The following SMG5 variants were observed in gnomAD, a reference collection of about 807,000 sequenced individuals.
SMG5 encodes the protein nonsense-mediated mRNA decay factor SMG5.
Under a neutral mutation model 122.9 loss-of-function variants are expected in SMG5, and 53 were observed. The ratio of observed to expected loss-of-function variants is 0.43; its 90% CI spans 0.35 to 0.54. SMG5 has a LOEUF of 0.54. SMG5 is among the 20% of genes least tolerant of loss of function. The pLI, the probability that SMG5 is intolerant of heterozygous loss-of-function variation, is 0.01. For missense variants in SMG5, 1,153 were observed against 1,285.6 expected (o/e 0.90, Z 1.58); for synonymous variants, 477 against 490.2 (o/e 0.97, Z 0.35).
chr1:156,275,772 G>A (rs1328844215), intron 4 of SMG5, among the ~76,000 whole-genome samples: 3 of 151,562 alleles, frequency 2.0e-5, no homozygotes, highest in Admixed American at 2.0e-4. Flanking sequence ...GGTAACCTAT[G>A]GACATGGTCC....
At chr1:156,278,223 C>A (rs1662772368) in intron 2 of SMG5, among the ~76,000 whole-genome samples, 175 bp from the exon 3 acceptor site, 1 of 152,112 alleles carries the variant, frequency 6.6e-6, no homozygotes, top group African/African-American at 2.4e-5. Flanking sequence ...GCAGTGGGAG[C>A]CCCAAAAGAC....
At chr1:156,263,622 T>G (rs1246873848) in intron 12 of SMG5, 52 bp from the exon 13 acceptor site, 3 of 1,583,274 alleles carry the variant, frequency 1.9e-6, no homozygotes, top group Non-Finnish European at 2.6e-6. Context: ...CAACTGACAC[T>G]TGGGAACAGG....
Position 156,250,575 on chromosome 1 carries a change from TG to T in SMG5, c.*11del. 2.5e-6 allele frequency: 4 copies of T among 1,612,962 alleles called. No homozygotes were observed. The highest frequency in any genetic ancestry group is 3.4e-6 in the Non-Finnish European group (4 of 1,179,020). On this transcript the variant is annotated 3_prime_UTR_variant, in exon 22 of 22. Transcript: ENST00000361813. The stretch of plus-strand genomic sequence containing the variant: ...CTGGAGTCAGCCCCACTGCAGGGCC[TG>T]GGGGTCAGTATCAACCAATTTCCTT...
At chr1:156,285,511 G>A, upstream of SMG5, 1 of 1,614,170 alleles carries the variant, frequency 6.2e-7, no homozygotes, top group South Asian at 1.1e-5. Context: ...CTGGCTGGCG[G>A]GACATTGAAC....
chr1:156,260,369 C>A (rs1170486163), intron 15 of SMG5, 82 bp downstream of exon 15: 1 of 1,493,540 alleles, frequency 6.7e-7, no homozygotes, highest in East Asian at 2.5e-5. Flanking sequence ...GCATCCTGCC[C>A]CCTCCCTCCC....
chr1:156,255,252 A>G (rs1392659343), intron 16 of SMG5, among the ~76,000 whole-genome samples: 2 of 151,724 alleles, frequency 1.3e-5, no homozygotes, highest in Non-Finnish European at 2.9e-5. Flanking sequence ...AAAAATACAA[A>G]AACTGGGGCC....
chr1:156,277,794 G>A (rs559965833), intron 3 of SMG5, 131 bp downstream of exon 3: 12 of 1,208,342 alleles, frequency 9.9e-6, no homozygotes, highest in African/African-American at 4.5e-5. Context: ...TTACACGCAT[G>A]AGCCACCGTG....
intron 15 of SMG5, 101 bp downstream of exon 15, chr1:156,260,350 T>C: frequency 7.4e-7 from 1 of 1,354,898 alleles, no homozygotes. Context: ...CCTGTCTGAG[T>C]GGAAGAGGGC....
At chr1:156,271,274 G>T (rs1572592376) in intron 7 of SMG5, among the ~76,000 whole-genome samples, 1 of 152,174 alleles carries the variant, frequency 6.6e-6, no homozygotes, top group East Asian at 1.9e-4. Context: ...TTACTATTTG[G>T]ATATACTTTA....
intron 1 of SMG5, among the ~76,000 whole-genome samples, chr1:156,280,324 T>C (rs1416453174): frequency 6.6e-6 from 1 of 152,080 alleles, no homozygotes; most frequent in Non-Finnish European, 1.5e-5. Context: ...CAAGACGTGC[T>C]CCCGGGCCAG....
chr1:156,286,658 G>T (rs911750722), upstream of SMG5, among the ~76,000 whole-genome samples: 2 of 152,156 alleles, frequency 1.3e-5, no homozygotes, highest in Non-Finnish European at 2.9e-5. Context: ...GATGGAAGCC[G>T]ATTTCAGAGA....
chr1:156,284,031 T>C (rs1465189310), upstream of SMG5, among the ~76,000 whole-genome samples: 3 of 152,216 alleles, frequency 2.0e-5, no homozygotes, highest in Admixed American at 6.5e-5. Context: ...GTGTACAAAT[T>C]CCATTTCTGG....
intron 16 of SMG5, among the ~76,000 whole-genome samples, chr1:156,255,375 C>T (rs1442497338): frequency 6.6e-6 from 1 of 151,268 alleles, no homozygotes; most frequent in Non-Finnish European, 1.5e-5. Context: ...CCCGTCTCTA[C>T]TAAAAATATA....
At chr1:156,270,129 G>C (rs1394590442) in intron 7 of SMG5, among the ~76,000 whole-genome samples, 1 of 152,230 alleles carries the variant, frequency 6.6e-6, no homozygotes, top group Non-Finnish European at 1.5e-5. Flanking sequence ...TATAAAAAGT[G>C]AGGTATAAAA....
At position 156,265,836 on chromosome 1, in the gene SMG5, G is replaced by A. The variant is rs1177048933; in HGVS notation, c.1800C>T (p.Thr600=). 5.6e-6 allele frequency: 9 copies of A among 1,614,202 alleles called. No individual in the cohort carries two copies. In the South Asian group the frequency reaches 9.9e-5, roughly 18 times the overall value. Residue 600 remains threonine (T), a synonymous_variant, in exon 12 of 22, where the codon ACC becomes ACT. Transcript: ENST00000361813. ...LLLQPTTNPH[T]SASHRPCVNG... ...TGACGCAAGGCCTGTGGCTGGCCGA[G>A]GTATGAGGGTTGGTGGTGGGCTGGA...
intron 5 of SMG5, 77 bp downstream of exon 5, chr1:156,274,520 G>T: frequency 7.8e-7 from 1 of 1,285,410 alleles, no homozygotes; most frequent in Non-Finnish European, 1.1e-6. Flanking sequence ...CCATGTAATG[G>T]GTGTTACCAA....
At position 156,265,806 on chromosome 1, in the gene SMG5, C is replaced by T; in HGVS notation, c.1830G>A (p.Gly610=). 1 of 1,613,972 alleles carries T rather than the reference C, an allele frequency of 6.2e-7. No individual in the cohort carries two copies. Among genetic ancestry groups the T allele is most frequent in the South Asian group, 1.1e-5 (1 of 91,034 alleles). Residue 610 remains glycine (G), a synonymous_variant, in exon 12 of 22, where the codon GGG becomes GGA. Coordinates refer to ENST00000361813, the MANE Select transcript of SMG5 (RefSeq NM_015327.3). ...TSASHRPCVN[G]DVDKPSEPAS... ...CTGGCTCTGAAGGCTTGTCTACATC[C>T]CCATTGACGCAAGGCCTGTGGCTGG...
At chr1:156,274,257 G>A (rs906688842) in intron 5 of SMG5, among the ~76,000 whole-genome samples, 7 of 152,116 alleles carry the variant, frequency 4.6e-5, no homozygotes, top group African/African-American at 9.7e-5. Flanking sequence ...CTGTGCTGAA[G>A]TTTCTATTCA....
rs375074169 is a variant in SMG5, at chr1:156,263,522, G to C, written c.1904C>G (p.Ser635Cys). Reference protein sequence around the residue: ...ESEGSESSGRSCRNERSIQEK... With the variant: ...ESEGSESSGRCCRNERSIQEK... Reference sequence around the variant, plus strand: ...CTGGATGCTGCGCTCATTCCGACAGGAGCGTCCACTGGACTCACTCCCCTC... The same window carrying C: ...CTGGATGCTGCGCTCATTCCGACAGCAGCGTCCACTGGACTCACTCCCCTC... Residue 635 changes from serine to cysteine, a missense_variant, in exon 13 of 22, where the codon TCC becomes TGC. By Grantham distance (112) the Ser-to-Cys change is moderately radical. This residue lies in a region of SMG5 where 631 missense variants were observed against 650.6 expected (regional missense o/e 0.97). Transcript: ENST00000361813. 13 of 1,614,244 alleles carry C rather than the reference G, an allele frequency of 8.1e-6. No homozygotes were observed. The highest frequency in any genetic ancestry group is 2.2e-5 in the East Asian group (1 of 44,888).
Sources: allele counts gnomAD v4.1 joint callset (sites outside exome capture counted in the v4.1 genomes callset), GRCh38; gene constraint gnomAD v4.1.1; regional missense constraint gnomAD v4.1.1; transcripts MANE v1.5; gene names NCBI Gene and HGNC (gene_info 2026-07-23, HGNC 2026-07-21).